GSE1: variants seen among roughly 807,000 people sequenced by gnomAD.
GSE1 encodes Gse1 coiled-coil protein.
A neutral mutation model predicts 112.6 loss-of-function variants in GSE1; 32 were observed. That is an observed-to-expected ratio of 0.28 (90% CI 0.21 to 0.38). The LOEUF is 0.38. Ranked by LOEUF, GSE1 falls within the 10% of genes least tolerant of loss-of-function variation. The pLI is 1.00. For synonymous variants in GSE1, 1,115 were observed against 735.6 expected, an observed-to-expected ratio of 1.52 and a Z score of -8.35; for missense variants, 2,348 against 1,699.2, an observed-to-expected ratio of 1.38 and a Z score of -6.71.
intron 2 of GSE1, among the ~76,000 whole-genome samples, chr16:85,643,113 G>A (rs992489107): frequency 2.0e-5 from 3 of 152,168 alleles, no homozygotes. Context: ...GCTGACTTTG[G>A]GGTGTCAGCT....
rs973451223 is a variant in GSE1 at position 85,485,966 on chromosome 16, T to C, written c.2464+128323T>C. On this transcript the variant is annotated intron_variant, in intron 2 of 2. Transcript: ENST00000637419. ...ATGAGCCTGCACTGGCCGCTGCCTC[T>C]CCTCCATAGGGGCCCTGTTCTGGCC... is the stretch of plus-strand genomic sequence containing the variant. Among the ~76,000 whole-genome samples the C allele has an allele frequency of 3.9e-5, 6 of 152,328 alleles. No individual in the cohort carries two copies. In the South Asian group the frequency reaches 1.2e-3, roughly 32 times the overall value.
At chr16:85,416,089 C>T (rs1385817169) in intron 2 of GSE1, among the ~76,000 whole-genome samples, 9 of 152,152 alleles carry the variant, frequency 5.9e-5, no homozygotes, top group Non-Finnish European at 7.4e-5. Context: ...TAATTTGCAC[C>T]TTTTTATTCA....
At chr16:85,527,900 G>A (rs998690715) in intron 2 of GSE1, among the ~76,000 whole-genome samples, 7 of 152,234 alleles carry the variant, frequency 4.6e-5, no homozygotes, top group African/African-American at 1.7e-4. Flanking sequence ...TTTAAAGGAC[G>A]CATAGGAGTT....
At chr16:85,490,837 A>T (rs1283360385) in intron 2 of GSE1, 3 of 152,260 alleles carry the variant, frequency 2.0e-5, no homozygotes, top group Non-Finnish European at 2.9e-5. Flanking sequence ...TCACATTTGT[A>T]TCCATTTCCA....
At chr16:85,444,796 T>C (rs2151789277) in intron 2 of GSE1, among the ~76,000 whole-genome samples, 1 of 152,248 alleles carries the variant, frequency 6.6e-6, no homozygotes, top group South Asian at 2.1e-4. Flanking sequence ...GCTGGGCCCC[T>C]GCCCCAGTCC....
At chr16:85,413,075 C>G (rs1158044790) in intron 2 of GSE1, among the ~76,000 whole-genome samples, 2 of 152,212 alleles carry the variant, frequency 1.3e-5, no homozygotes, top group African/African-American at 2.4e-5. Context: ...CCACGGAGCC[C>G]CTGCTGCTCT....
At chr16:85,220,302 T>A (rs777697769) in intron 1 of GSE1, among the ~76,000 whole-genome samples, 31 of 152,188 alleles carry the variant, frequency 2.0e-4, no homozygotes, top group Admixed American at 4.6e-4. Context: ...CTGGTTTCCC[T>A]GCTCCTGGAG....
chr16:85,187,663 C>T (rs1182534577), intron 1 of GSE1, among the ~76,000 whole-genome samples: 3 of 152,128 alleles, frequency 2.0e-5, no homozygotes, highest in African/African-American at 7.2e-5. Flanking sequence ...TCAGGCCTCG[C>T]CCCCACCTGC....
chr16:85,184,686 A>G (rs1321513783), intron 1 of GSE1, among the ~76,000 whole-genome samples: 3 of 152,088 alleles, frequency 2.0e-5, no homozygotes, highest in Admixed American at 6.5e-5. Flanking sequence ...ATATTTTTCA[A>G]TTTCCCTTGT....
At chr16:85,347,628 A>G (rs571122503) in intron 1 of GSE1, among the ~76,000 whole-genome samples, 2 of 148,952 alleles carry the variant, frequency 1.3e-5, no homozygotes, top group African/African-American at 4.9e-5. Flanking sequence ...AAGTGCACCA[A>G]TGTTTCTGTC....
At chr16:85,569,450 G>T (rs564067427) in intron 1 of GSE1, among the ~76,000 whole-genome samples, 2 of 152,344 alleles carry the variant, frequency 1.3e-5, no homozygotes, top group African/African-American at 2.4e-5. Context: ...AACTCTCTGG[G>T]CCTCAGTTTA....
chr16:85,505,382 G>A (rs1443967952), intron 2 of GSE1, among the ~76,000 whole-genome samples: 2 of 152,162 alleles, frequency 1.3e-5, no homozygotes. Context: ...CAGTCACAGC[G>A]AGTGCTCCTG....
intron 1 of GSE1, among the ~76,000 whole-genome samples, chr16:85,278,478 C>T (rs192383004): frequency 3.9e-5 from 6 of 152,342 alleles, no homozygotes; most frequent in Admixed American, 3.9e-4. Context: ...TGAGCCTGGT[C>T]AGACTCTATG....
intron 2 of GSE1, among the ~76,000 whole-genome samples, chr16:85,381,070 A>C (rs913123264): frequency 6.6e-6 from 1 of 152,240 alleles, no homozygotes; most frequent in Non-Finnish European, 1.5e-5. Context: ...TCACCCCAAA[A>C]GGAAATCCCA....
intron 1 of GSE1, among the ~76,000 whole-genome samples, chr16:85,218,056 A>G (rs1479346104): frequency 1.3e-5 from 2 of 151,906 alleles, no homozygotes; most frequent in Non-Finnish European, 2.9e-5. Context: ...ACGCACTACC[A>G]CACCCAGGTA....
At chr16:85,563,600 T>C (rs960780805) in intron 1 of GSE1, among the ~76,000 whole-genome samples, 3 of 152,226 alleles carry the variant, frequency 2.0e-5, no homozygotes, top group African/African-American at 7.2e-5. Context: ...AGCTCAGCCC[T>C]GCCGGAAGCC....
At chr16:85,421,322 G>A (rs1019800294) in intron 2 of GSE1, among the ~76,000 whole-genome samples, 8 of 152,146 alleles carry the variant, frequency 5.3e-5, no homozygotes, top group East Asian at 1.9e-4. Context: ...GGCATCCTGC[G>A]GGGGTCCTGC....
chr16:85,359,275 T>C (rs377088441), intron 2 of GSE1: 171 of 407,252 alleles, frequency 4.2e-4, no homozygotes, highest in African/African-American at 3.3e-3. Flanking sequence ...GCCTGGCGGC[T>C]CACGGGTCAG....
intron 1 of GSE1, among the ~76,000 whole-genome samples, chr16:85,632,672 G>A (rs2049637280): frequency 6.6e-6 from 1 of 152,124 alleles, no homozygotes; most frequent in Non-Finnish European, 1.5e-5. Context: ...GAGGAACCTG[G>A]GGGCCCCCTT....
Sources: gnomAD v4.1 joint callset for allele counts (sites outside exome capture counted in the v4.1 genomes callset) on GRCh38, gnomAD v4.1.1 for gene constraint, MANE v1.5 for transcripts, NCBI Gene and HGNC (gene_info 2026-07-23, HGNC 2026-07-21) for gene names.